COA1: variants seen among roughly 807,000 people sequenced by gnomAD.
The protein encoded by COA1 is cytochrome c oxidase assembly factor 1 homolog.
A neutral mutation model predicts 16.0 loss-of-function variants in COA1; 13 were observed. That is an observed-to-expected ratio of 0.81 (90% confidence interval 0.53 to 1.29). The LOEUF (loss-of-function observed/expected upper bound fraction) is 1.29. Ranked by LOEUF, COA1 falls within the 50% of genes most tolerant of loss-of-function variation. The probability of loss-of-function intolerance (pLI) is 0.00; values close to 1 mark genes in which losing one functional copy is unlikely to be tolerated. For missense variants in COA1, 179 were observed against 177.0 expected (o/e 1.01, Z -0.06); for synonymous variants, 65 against 65.7 (o/e 0.99, Z 0.05).
chr7:43,644,294 C>T (rs2286297), intron 4 of COA1, among the ~76,000 whole-genome samples: 15,349 of 152,148 alleles, frequency 0.1, 978 homozygotes, highest in Admixed American at 0.19. Context: ...CCTCTATTCC[C>T]CACATAGCTT....
intron 4 of COA1, chr7:43,641,567 T>G (rs913276316): frequency 2.6e-5 from 4 of 152,174 alleles, no homozygotes; most frequent in African/African-American, 7.2e-5. Context: ...TTCACTGTTT[T>G]AAAGAGGGAC....
At chr7:43,712,031 C>T (rs1456606341) in intron 1 of COA1, among the ~76,000 whole-genome samples, 1 of 152,146 alleles carries the variant, frequency 6.6e-6, no homozygotes, top group African/African-American at 2.4e-5. Context: ...CCCTTCCCTC[C>T]ACCGAGGTAG....
chr7:43,654,443 A>C (rs901192802), intron 1 of COA1, among the ~76,000 whole-genome samples: 1 of 152,234 alleles, frequency 6.6e-6, no homozygotes, highest in Non-Finnish European at 1.5e-5. Flanking sequence ...ACCACACGTG[A>C]TGGGAACAAA....
chr7:43,611,365 T>C (rs954014670), intron 6 of COA1, among the ~76,000 whole-genome samples: 6 of 152,226 alleles, frequency 3.9e-5, no homozygotes, highest in South Asian at 4.1e-4. Context: ...CTCAAAGATA[T>C]TAATTTTTTA....
downstream of COA1, among the ~76,000 whole-genome samples, chr7:43,635,026 C>T (rs1426847051): frequency 6.6e-6 from 1 of 152,094 alleles, no homozygotes; most frequent in African/African-American, 2.4e-5. Context: ...GGAGGAATAG[C>T]GAGAAGTGTG....
At chr7:43,634,364 G>C (rs1016123926), downstream of COA1, among the ~76,000 whole-genome samples, 1 of 152,178 alleles carries the variant, frequency 6.6e-6, no homozygotes, top group African/African-American at 2.4e-5. Context: ...GGCATGTGGT[G>C]GGGTTGATGG....
At chr7:43,719,689 CT>C (rs1252516095) in intron 1 of COA1, among the ~76,000 whole-genome samples, 2 of 152,184 alleles carry the variant, frequency 1.3e-5, no homozygotes, top group East Asian at 3.9e-4. Flanking sequence ...GGATGGATGG[CT>C]TCCTGACTAC....
At chr7:43,629,485 C>A (rs2084955501) in intron 6 of COA1, among the ~76,000 whole-genome samples, 1 of 152,210 alleles carries the variant, frequency 6.6e-6, no homozygotes, top group Non-Finnish European at 1.5e-5. Context: ...TATCCTTTAA[C>A]TGTATCCCTG....
intron 1 of COA1, among the ~76,000 whole-genome samples, chr7:43,659,621 A>G (rs1326270678): frequency 2.0e-5 from 3 of 152,242 alleles, no homozygotes; most frequent in African/African-American, 7.2e-5. Flanking sequence ...TATAAAAATA[A>G]AACAATTTGG....
chr7:43,624,779 T>G, intron 6 of COA1: 1 of 1,612,172 alleles, frequency 6.2e-7, no homozygotes, highest in Non-Finnish European at 8.5e-7. Context: ...AAAAGGCCAT[T>G]TCCAAACGAT....
chr7:43,702,190 A>ATAAC lies in COA1; in HGVS notation c.-39+27235_-39+27238dup, dbSNP rs143554126. 5.4e-4 allele frequency among the ~76,000 whole-genome samples: 82 copies of ATAAC among 152,228 alleles called. No individual in the cohort carries two copies. The East Asian group carries it at 0.014, about 26-fold the overall frequency. On this transcript the variant is annotated intron_variant, in intron 1 of 5. Transcript: ENST00000223336. ...TTGGACCTATGACAAAACCTACGACATAACTGTCCTAGGTATTCTTCTAAA... is the reference window on the plus strand; with the variant it reads ...TTGGACCTATGACAAAACCTACGACATAACTAACTGTCCTAGGTATTCTTCTAAA...
chr7:43,636,254 G>A (rs1361022738), downstream of COA1, among the ~76,000 whole-genome samples: 4 of 152,184 alleles, frequency 2.6e-5, no homozygotes, highest in Admixed American at 2.0e-4. Flanking sequence ...GCCTGAACCA[G>A]GAGCGCATTA....
At chr7:43,613,618 G>A (rs1281321884) in intron 6 of COA1, among the ~76,000 whole-genome samples, 1 of 152,132 alleles carries the variant, frequency 6.6e-6, no homozygotes, top group African/African-American at 2.4e-5. Context: ...TGAGGTAGAA[G>A]GACCACATGA....
intron 1 of COA1, among the ~76,000 whole-genome samples, chr7:43,693,899 A>C (rs562302714): frequency 6.6e-6 from 1 of 152,142 alleles, no homozygotes; most frequent in African/African-American, 2.4e-5. Flanking sequence ...ACCTTGGTAC[A>C]GCCTTGTAAT....
At chr7:43,722,251 C>T (rs1042855779) in intron 1 of COA1, among the ~76,000 whole-genome samples, 2 of 152,016 alleles carry the variant, frequency 1.3e-5, no homozygotes, top group Admixed American at 6.6e-5. Flanking sequence ...CCACCATGCC[C>T]AGCTAGTTCT....
chr7:43,709,180 C>T (rs985187336), intron 1 of COA1, among the ~76,000 whole-genome samples: 2 of 152,034 alleles, frequency 1.3e-5, no homozygotes, highest in African/African-American at 4.8e-5. Flanking sequence ...CCTGCCACCA[C>T]ACCTGGCTAA....
chr7:43,661,847 CA>C (rs1162684004), intron 1 of COA1, among the ~76,000 whole-genome samples: 1 of 152,022 alleles, frequency 6.6e-6, no homozygotes, highest in Non-Finnish European at 1.5e-5. Flanking sequence ...CTGTATCTAC[CA>C]CCAAATAAAT....
chr7:43,619,852 T>G (rs2083698936), intron 6 of COA1: 10 of 1,223,720 alleles, frequency 8.2e-6, no homozygotes, highest in Non-Finnish European at 1.1e-5. Context: ...CAGAGATCTA[T>G]TCCTTTGGAT....
chr7:43,660,955 T>C (rs2092365286), intron 1 of COA1, among the ~76,000 whole-genome samples: 1 of 152,296 alleles, frequency 6.6e-6, no homozygotes, highest in Non-Finnish European at 1.5e-5. Context: ...CACCACATTC[T>C]TAAATCCCAA....
Sources: allele counts gnomAD v4.1 joint callset (sites outside exome capture counted in the v4.1 genomes callset), GRCh38; gene constraint gnomAD v4.1.1; transcripts MANE v1.5; gene names NCBI Gene and HGNC (gene_info 2026-07-23, HGNC 2026-07-21).